The following SORCS1 variants were observed in gnomAD, a reference collection of about 807,000 sequenced individuals.
The protein encoded by SORCS1 is sortilin related VPS10 domain containing receptor 1.
A neutral mutation model predicts 146.1 loss-of-function variants in SORCS1; 60 were observed. That is an observed-to-expected ratio of 0.41 (90% CI 0.33 to 0.51). The LOEUF is 0.51. Among genes scored for constraint, SORCS1 ranks in the 20% least tolerant of loss-of-function variants. The pLI, the probability that SORCS1 is intolerant of heterozygous loss-of-function variation, is 0.21. For missense variants in SORCS1, 1,352 were observed against 1,487.6 expected, an observed-to-expected ratio of 0.91 and a Z score of 1.50; for synonymous variants, 637 against 584.0, an observed-to-expected ratio of 1.09 and a Z score of -1.31.
chr10:106,884,818 C>G (rs1212724565), intron 2 of SORCS1, among the ~76,000 whole-genome samples: 5 of 152,110 alleles, frequency 3.3e-5, no homozygotes, highest in African/African-American at 1.2e-4. Flanking sequence ...AAAAAGTGAT[C>G]TATCTCATAG....
intron 1 of SORCS1, among the ~76,000 whole-genome samples, chr10:107,100,922 T>TTG (rs990852516): frequency 2.2e-4 from 33 of 152,324 alleles, no homozygotes; most frequent in South Asian, 6.2e-4. Context: ...AGACAGGGTC[T>TTG]TGCTCTGCAA....
intron 1 of SORCS1, among the ~76,000 whole-genome samples, chr10:107,064,572 C>T (rs1961560582): frequency 6.6e-6 from 1 of 152,156 alleles, no homozygotes; most frequent in South Asian, 2.1e-4. Flanking sequence ...TACTGACCTG[C>T]ATTTATATGC....
At position 106,831,085 on chromosome 10, in the gene SORCS1, C is replaced by T. The variant is rs189671795; in HGVS notation, c.627-1412G>A. Among the ~76,000 whole-genome samples, 6 of 151,702 alleles carry T rather than the reference C, an allele frequency of 4.0e-5. No homozygotes were observed. The East Asian group carries it at 1.2e-3, about 30-fold the overall frequency. ...GCAGTCGTCTATAATCCCAGCTACT[C>T]GGGAGGCCAAGGCAGGAGAACTGAT... On this transcript the variant is annotated intron_variant, in intron 2 of 25. Coordinates refer to ENST00000263054, the MANE Select transcript of SORCS1 (RefSeq NM_052918.5).
At chr10:106,785,667 G>A (rs1394814527) in intron 3 of SORCS1, among the ~76,000 whole-genome samples, 1 of 152,210 alleles carries the variant, frequency 6.6e-6, no homozygotes, top group Admixed American at 6.5e-5. Flanking sequence ...AGCCACGTGA[G>A]ACCTTGCTAA....
intron 17 of SORCS1, among the ~76,000 whole-genome samples, chr10:106,656,018 GA>G (rs1224108178): frequency 6.6e-6 from 1 of 152,166 alleles, no homozygotes; most frequent in Non-Finnish European, 1.5e-5. Context: ...AATCTGCCAA[GA>G]AGAAAAGTGC....
intron 3 of SORCS1, among the ~76,000 whole-genome samples, chr10:106,802,088 A>G (rs999358930): frequency 6.6e-5 from 10 of 152,168 alleles, no homozygotes; most frequent in Non-Finnish European, 1.5e-5. Flanking sequence ...GCTTTATATT[A>G]TCAGTTCCTT....
At chr10:107,070,758 A>G (rs1199029952) in intron 1 of SORCS1, among the ~76,000 whole-genome samples, 1 of 152,188 alleles carries the variant, frequency 6.6e-6, no homozygotes, top group Non-Finnish European at 1.5e-5. Flanking sequence ...CAAAACAAAA[A>G]TTGTCATTAT....
chr10:107,146,822 G>A (rs1053559445), intron 1 of SORCS1, among the ~76,000 whole-genome samples: 3 of 152,090 alleles, frequency 2.0e-5, no homozygotes, highest in African/African-American at 7.2e-5. Context: ...AGGTTAAGTA[G>A]CTTAACTAGA....
At chr10:106,893,846 C>T (rs535087887) in intron 2 of SORCS1, among the ~76,000 whole-genome samples, 1 of 152,308 alleles carries the variant, frequency 6.6e-6, no homozygotes, top group Non-Finnish European at 1.5e-5. Flanking sequence ...GGGCCAGCAG[C>T]ATGAGGTTGA....
At chr10:107,055,168 C>A (rs1467146971) in intron 1 of SORCS1, among the ~76,000 whole-genome samples, 1 of 152,168 alleles carries the variant, frequency 6.6e-6, no homozygotes, top group East Asian at 1.9e-4. Context: ...GAAGAGCACA[C>A]CACATCACCT....
At chr10:106,688,429 C>A (rs1853038124) in intron 9 of SORCS1, 91 bp from the exon 10 acceptor site, 1 of 1,457,246 alleles carries the variant, frequency 6.9e-7, no homozygotes, top group Non-Finnish European at 9.3e-7. Flanking sequence ...TCAAAGTCAG[C>A]TGAGAGCACT....
At chr10:106,645,226 T>A (rs1849341618) in intron 18 of SORCS1, among the ~76,000 whole-genome samples, 1 of 150,244 alleles carries the variant, frequency 6.7e-6, no homozygotes, top group African/African-American at 2.5e-5. Flanking sequence ...TGGAGTGTAG[T>A]AGTGCAATCT....
At chr10:106,926,828 T>TAC (rs869163147) in intron 2 of SORCS1, among the ~76,000 whole-genome samples, 2 of 29,582 alleles carry the variant, frequency 6.8e-5, no homozygotes, top group African/African-American at 1.1e-4. Flanking sequence ...GGAATATATA[T>TAC]ACACACACAC....
intron 24 of SORCS1, among the ~76,000 whole-genome samples, chr10:106,582,810 T>C (rs1286284982): frequency 6.6e-6 from 1 of 152,212 alleles, no homozygotes; most frequent in Non-Finnish European, 1.5e-5. Context: ...CTGAGGAATT[T>C]GGAAATGCAT....
intron 5 of SORCS1, among the ~76,000 whole-genome samples, chr10:106,749,497 C>A (rs1267047678): frequency 6.6e-6 from 1 of 152,212 alleles, no homozygotes; most frequent in African/African-American, 2.4e-5. Context: ...GTGTTTCCTA[C>A]ATCTTTGTGG....
At chr10:106,647,857 C>T (rs1392914723) in intron 18 of SORCS1, among the ~76,000 whole-genome samples, 8 of 151,886 alleles carry the variant, frequency 5.3e-5, no homozygotes, top group African/African-American at 1.2e-4. Flanking sequence ...ATATATCTAC[C>T]GTTTTTTAAT....
chr10:107,131,334 C>T (rs1029836132), intron 1 of SORCS1, among the ~76,000 whole-genome samples: 7 of 152,206 alleles, frequency 4.6e-5, no homozygotes, highest in African/African-American at 1.7e-4. Context: ...TTTTCTAAAA[C>T]TAATCTATCA....
intron 2 of SORCS1, among the ~76,000 whole-genome samples, chr10:106,932,782 C>T (rs1242440703): frequency 2.6e-5 from 4 of 152,158 alleles, no homozygotes; most frequent in African/African-American, 9.7e-5. Context: ...TGGTTTGTGC[C>T]AACACAGTTG....
chr10:107,023,101 A>G (rs1958220999), intron 1 of SORCS1, among the ~76,000 whole-genome samples: 1 of 152,188 alleles, frequency 6.6e-6, no homozygotes, highest in African/African-American at 2.4e-5. Flanking sequence ...TTGCAGTGCT[A>G]TTGTGAGAGT....
Sources: allele counts gnomAD v4.1 joint callset (sites outside exome capture counted in the v4.1 genomes callset), GRCh38; gene constraint gnomAD v4.1.1; transcripts MANE v1.5; gene names NCBI Gene and HGNC (gene_info 2026-07-23, HGNC 2026-07-21).